PTK2: variants seen among roughly 807,000 people sequenced by gnomAD.
PTK2 encodes protein tyrosine kinase 2.
In PTK2, 45 loss-of-function variants were observed where a neutral mutation model predicts 150.1. The ratio of observed to expected loss-of-function variants is 0.30; its 90% CI spans 0.24 to 0.38. The LOEUF (loss-of-function observed/expected upper bound fraction) is 0.38. Ranked by LOEUF, PTK2 falls within the 10% of genes least tolerant of loss-of-function variation. The pLI is 1.00. For missense variants in PTK2, 919 were observed against 1,307.3 expected, an observed-to-expected ratio of 0.70 and a Z score of 4.58; for synonymous variants, 432 against 449.2, an observed-to-expected ratio of 0.96 and a Z score of 0.48.
At chr8:140,783,337 T>C (rs1315628235) in intron 14 of PTK2, among the ~76,000 whole-genome samples, 3 of 152,246 alleles carry the variant, frequency 2.0e-5, no homozygotes, top group Non-Finnish European at 4.4e-5. Flanking sequence ...ACTTACTAGC[T>C]ATGTGAACTT....
intron 14 of PTK2, among the ~76,000 whole-genome samples, chr8:140,767,239 A>G (rs1220072668): frequency 6.7e-6 from 1 of 148,868 alleles, no homozygotes; most frequent in Non-Finnish European, 1.5e-5. Context: ...CAATCACAAG[A>G]GAAAACCTGT....
intron 1 of PTK2, among the ~76,000 whole-genome samples, chr8:140,962,219 T>TTA (rs767333412): frequency 2.1e-5 from 2 of 93,662 alleles, no homozygotes; most frequent in African/African-American, 5.2e-5. Flanking sequence ...TCTCAAAATT[T>TTA]AAAAAAAAAA....
At position 140,830,494 on chromosome 8, in the gene PTK2, T is replaced by C. The variant is rs183169699; in HGVS notation, c.626A>G (p.Lys209Arg). ...TACCTTGACAGAATCCAGTAAACTC[T>C]TAGGAAAAAATCGCTTTAAACCAAC... Residue 209 changes from lysine (K) to arginine (R), a missense_variant, in exon 8 of 32, where the codon AAG becomes AGG. Lys to Arg is a conservative substitution (Grantham distance 26). This residue lies in a region of PTK2 where 555 missense variants were observed against 880.1 expected (regional missense o/e 0.63). Coordinates refer to ENST00000522684, the Ensembl canonical transcript of PTK2. 5 of 1,544,366 alleles carry C rather than the reference T, an allele frequency of 3.2e-6. No homozygotes were observed. The Admixed American group carries it at 7.4e-5, about 23-fold the overall frequency.
At chr8:140,942,922 T>C (rs920593598) in intron 1 of PTK2, among the ~76,000 whole-genome samples, 2 of 152,158 alleles carry the variant, frequency 1.3e-5, no homozygotes, top group African/African-American at 2.4e-5. Context: ...CGAGTTCATG[T>C]GAGATCTGGT....
chr8:140,872,709 T>C (rs2100143243), intron 4 of PTK2, among the ~76,000 whole-genome samples: 1 of 152,250 alleles, frequency 6.6e-6, no homozygotes, highest in South Asian at 2.1e-4. Context: ...TCCAGTGACT[T>C]CTGAAGGAAT....
chr8:140,764,483 T>G (rs2100071225), intron 14 of PTK2, 193 bp from the exon 17 acceptor site: 2 of 577,730 alleles, frequency 3.5e-6, no homozygotes, highest in Non-Finnish European at 6.1e-6. Flanking sequence ...GTCCAATACG[T>G]TATAATACAC....
chr8:140,832,986 A>G (rs777021929), intron 7 of PTK2: 6 of 518,890 alleles, frequency 1.2e-5, no homozygotes, highest in South Asian at 5.6e-5. Context: ...ACCCAGCTAC[A>G]CATCTATTTT....
At chr8:140,747,595 G>A (rs1358808352) in intron 17 of PTK2, among the ~76,000 whole-genome samples, 2 of 82,580 alleles carry the variant, frequency 2.4e-5, no homozygotes, top group East Asian at 4.4e-4. Flanking sequence ...AGAGGAGGAG[G>A]AGAAGGAAGG....
intron 1 of PTK2, among the ~76,000 whole-genome samples, chr8:140,961,420 T>A (rs1326490391): frequency 6.6e-6 from 1 of 152,022 alleles, no homozygotes; most frequent in Non-Finnish European, 1.5e-5. Context: ...CCAGCACTTT[T>A]GGAGGCCAAG....
intron 31 of PTK2, among the ~76,000 whole-genome samples, chr8:140,661,770 G>A (rs1460074310): frequency 2.0e-5 from 3 of 152,112 alleles, no homozygotes; most frequent in Admixed American, 6.5e-5. Context: ...TAGGACTGAG[G>A]GGAAAGCAGG....
At chr8:140,740,954 G>A (rs1479839676) in intron 20 of PTK2, among the ~76,000 whole-genome samples, 3 of 151,392 alleles carry the variant, frequency 2.0e-5, no homozygotes, top group Admixed American at 6.6e-5. Context: ...ACCAATCTAG[G>A]CAACAAAGTG....
intron 27 of PTK2, among the ~76,000 whole-genome samples, chr8:140,684,287 G>A (rs981123989): frequency 1.3e-5 from 2 of 152,200 alleles, no homozygotes; most frequent in African/African-American, 2.4e-5. Context: ...AGTCTCATAA[G>A]GAGTGTGCAA....
chr8:140,698,128 C>A (rs1021007500), intron 26 of PTK2, among the ~76,000 whole-genome samples: 1 of 152,096 alleles, frequency 6.6e-6, no homozygotes, highest in Non-Finnish European at 1.5e-5. Context: ...TGCTGCCTCC[C>A]CCAAGTCCCC....
At chr8:140,698,095 T>G (rs1024289064) in intron 26 of PTK2, among the ~76,000 whole-genome samples, 12 of 152,116 alleles carry the variant, frequency 7.9e-5, no homozygotes, top group African/African-American at 2.7e-4. Flanking sequence ...CTTTAAGCTT[T>G]GGCTCAAATG....
intron 21 of PTK2, among the ~76,000 whole-genome samples, chr8:140,737,955 T>C (rs1168060250): frequency 1.3e-5 from 2 of 152,210 alleles, no homozygotes; most frequent in Admixed American, 6.5e-5. Context: ...GTTCTTTCCT[T>C]TACCTAGTTA....
At chr8:140,897,127 G>C (rs1172668756) in intron 2 of PTK2, among the ~76,000 whole-genome samples, 2 of 152,024 alleles carry the variant, frequency 1.3e-5, no homozygotes, top group Non-Finnish European at 2.9e-5. Flanking sequence ...AACACTACTT[G>C]GAATAAATAC....
chr8:140,917,400 A>G lies in PTK2; in HGVS notation c.-33+8261T>C, dbSNP rs563523866. ...AGGGCAGGGGAGGGCAGATGAGAGG[A>G]GAGGAGAGGAAAAAGGAAAGGAAAA... On this transcript the variant is annotated intron_variant, in intron 2 of 31. Transcript: ENST00000522684. 8.5e-5 allele frequency among the ~76,000 whole-genome samples: 13 copies of G among 152,172 alleles called. No individual in the cohort carries two copies. The South Asian group carries it at 1.2e-3, about 15-fold the overall frequency.
At chr8:140,762,341 G>A (rs1215604433) in intron 15 of PTK2, 27 bp downstream of exon 18, 3 of 1,154,768 alleles carry the variant, frequency 2.6e-6, no homozygotes, top group East Asian at 8.3e-5. Flanking sequence ...GCAAGCAAAT[G>A]CAGTTAATTT....
chr8:140,668,524 TTG>T, intron 29 of PTK2, 100 bp from the exon 34 acceptor site: 4 of 1,329,490 alleles, frequency 3.0e-6, no homozygotes, highest in Non-Finnish European at 4.1e-6. Context: ...TCAAAGCAGA[TTG>T]CAGAAGGTCA....
Sources: allele counts gnomAD v4.1 joint callset (sites outside exome capture counted in the v4.1 genomes callset), GRCh38; gene constraint gnomAD v4.1.1; regional missense constraint gnomAD v4.1.1; transcripts MANE v1.5; gene names NCBI Gene and HGNC (gene_info 2026-07-23, HGNC 2026-07-21).